Variants in MAST3 observed in about 807,000 individuals in gnomAD.
The protein encoded by MAST3 is microtubule-associated serine/threonine-protein kinase 3.
A neutral mutation model predicts 127.0 loss-of-function variants in MAST3; 43 were observed. That is an observed-to-expected ratio of 0.34 (90% CI 0.27 to 0.44). MAST3 has a LOEUF of 0.44. Ranked by LOEUF, MAST3 falls within the 20% of genes least tolerant of loss-of-function variation. The pLI, the probability that MAST3 is intolerant of heterozygous loss-of-function variation, is 1.00. For missense variants in MAST3, 1,390 were observed against 1,919.1 expected (o/e 0.72, Z 5.15); for synonymous variants, 785 against 809.2 (o/e 0.97, Z 0.51).
intron 1 of MAST3, among the ~76,000 whole-genome samples, chr19:18,106,047 C>T (rs1193232959): frequency 6.6e-6 from 1 of 152,120 alleles, no homozygotes; most frequent in Non-Finnish European, 1.5e-5. Context: ...TACTGACATA[C>T]TTCTTCATAA....
chr19:18,132,055 G>A lies in MAST3; in HGVS notation c.1571+8G>A, dbSNP rs1416449418. ...TGACCTCAAACCAGACAAGTGAGCT[G>A]AGCTAGCATGAGCGGGGCCTCGCGG... On this transcript the variant is annotated splice_region_variant and intron_variant, in intron 15 of 27. Transcript: ENST00000687212. 1.2e-6 allele frequency: 2 copies of A among 1,613,926 alleles called. No individual in the cohort carries two copies. The highest frequency in any genetic ancestry group is 1.7e-6 in the Non-Finnish European group (2 of 1,179,876).
intron 20 of MAST3, 31 bp from the exon 21 acceptor site, chr19:18,141,851 C>G: frequency 7.3e-7 from 1 of 1,375,856 alleles, no homozygotes; most frequent in Non-Finnish European, 9.5e-7. Context: ...CCACCGCACC[C>G]GGCTTACCAT....
At chr19:18,128,483 C>G (rs977927278) in intron 12 of MAST3, 25 bp downstream of exon 12, 1 of 1,550,062 alleles carries the variant, frequency 6.5e-7, no homozygotes, top group Admixed American at 2.0e-5. Flanking sequence ...CTGGGGGACC[C>G]CCGCTCATCT....
chr19:18,100,156 GCT>G lies in MAST3; in HGVS notation c.39+2328_39+2329del, dbSNP rs556042783. 5.3e-3 allele frequency among the ~76,000 whole-genome samples: 604 copies of G among 114,292 alleles called. 1 individual carries two copies. Among genetic ancestry groups the G allele is most frequent in the Non-Finnish European group, 7.7e-3 (386 of 50,446 alleles). The allele number at this position is 114,292 out of a possible 152,430, so 75.0% of individuals were successfully genotyped here. On this transcript the variant is annotated intron_variant, in intron 1 of 27. Transcript: ENST00000687212. ...TTTTTTTTTTTTGAGAAAGAATCAT[GCT>G]CTGTTACCCAGGCTGGAGTCCAGTG...
At chr19:18,138,118 G>A (rs769941895) in intron 19 of MAST3, among the ~76,000 whole-genome samples, 15 of 151,524 alleles carry the variant, frequency 9.9e-5, no homozygotes, top group East Asian at 2.0e-4. Flanking sequence ...GCTGAGGCAC[G>A]AGAATTGCTT....
At chr19:18,141,451 C>T (rs2042476794) in intron 20 of MAST3, among the ~76,000 whole-genome samples, 1 of 145,506 alleles carries the variant, frequency 6.9e-6, no homozygotes, top group African/African-American at 2.6e-5. Context: ...CGGCTCACTG[C>T]AACCTCCGCC....
At chr19:18,104,622 T>C (rs2037923914) in intron 1 of MAST3, among the ~76,000 whole-genome samples, 1 of 151,966 alleles carries the variant, frequency 6.6e-6, no homozygotes, top group African/African-American at 2.4e-5. Context: ...AAAGTAAAAA[T>C]AGTCGTGTGT....
At chr19:18,117,981 G>T (rs1192051658) in intron 3 of MAST3, 3 of 352,298 alleles carry the variant, frequency 8.5e-6, no homozygotes, top group Non-Finnish European at 7.9e-6. Context: ...CCCCGCCCCC[G>T]CACTCGCCTG....
Position 18,149,936 on chromosome 19 carries a change from C to T in MAST3, c.*210C>T. On this transcript the variant is annotated 3_prime_UTR_variant, in exon 28 of 28. Transcript: ENST00000687212. The surrounding 1 kb of genome is among the most constrained non-coding windows in gnomAD (Gnocchi z 5.9). ...GGGCAAGAATGGGGGACAAGGGTGG[C>T]TTTGTAAATAGCAGCAAATCCCTGC... 13 of 541,520 alleles carry T rather than the reference C, an allele frequency of 2.4e-5. No homozygotes were observed. Among genetic ancestry groups the T allele is most frequent in the South Asian group, 1.4e-4 (5 of 35,900 alleles). The allele number at this position is 541,520 out of a possible 1,614,324, so 33.5% of individuals were successfully genotyped here. A position where few individuals can be genotyped will look rare whatever the true frequency, so the allele number is the denominator to read the frequency against.
Position 18,110,286 on chromosome 19 carries a change from T to A in MAST3, c.72-366T>A. 3.0e-6 allele frequency: 3 copies of A among 985,594 alleles called. No individual in the cohort carries two copies. The highest frequency in any genetic ancestry group is 3.6e-6 in the Non-Finnish European group (3 of 830,058). The allele number at this position is 985,594 out of a possible 1,614,324, so 61.1% of individuals were successfully genotyped here. A position where few individuals can be genotyped will look rare whatever the true frequency, so the allele number is the denominator to read the frequency against. On this transcript the variant is annotated intron_variant, in intron 2 of 27. Coordinates refer to ENST00000687212, the MANE Select transcript of MAST3 (RefSeq NM_001393504.1). This position sits in a 1 kb window ranked among gnomAD's most constrained non-coding sequence, Gnocchi z 4.3. Reference sequence around the variant, plus strand: ...CCGGGGGCCAACAAGGGGGCGTCGGTACCCCGCCGCACAGAGGCGGCCTCT... The same window carrying A: ...CCGGGGGCCAACAAGGGGGCGTCGGAACCCCGCCGCACAGAGGCGGCCTCT...
rs887788583 is a variant in MAST3, at chr19:18,123,796, T to C, written c.633+141T>C. The C allele has an allele frequency of 1.4e-5, 15 of 1,066,646 alleles. No homozygotes were observed. In the African/African-American group the frequency reaches 1.9e-4, roughly 13 times the overall value. The allele number at this position is 1,066,646 out of a possible 1,614,324, so 66.1% of individuals were successfully genotyped here. ...TTCCTTCCCCTTCCGTTGAAAGATGTCGTTCCTCCTGCACCAGCCCTCCCA... is the reference window on the plus strand; with the variant it reads ...TTCCTTCCCCTTCCGTTGAAAGATGCCGTTCCTCCTGCACCAGCCCTCCCA... On this transcript the variant is annotated intron_variant, in intron 8 of 27. Transcript: ENST00000687212.
intron 3 of MAST3, among the ~76,000 whole-genome samples, chr19:18,111,869 G>T (rs1165896484): frequency 6.6e-6 from 1 of 152,188 alleles, no homozygotes; most frequent in Non-Finnish European, 1.5e-5. Context: ...CCACATTTGG[G>T]TGCTGGGCAA....
intron 15 of MAST3, among the ~76,000 whole-genome samples, chr19:18,133,549 A>T (rs1446602554): frequency 8.7e-5 from 8 of 91,844 alleles, no homozygotes; most frequent in East Asian, 3.1e-4. Flanking sequence ...CGCCCAGCTA[A>T]TTTTTTTTTT....
At chr19:18,142,136 AC>A in intron 21 of MAST3, 121 bp downstream of exon 21, 1 of 1,118,966 alleles carries the variant, frequency 8.9e-7, no homozygotes, top group East Asian at 3.2e-5. Flanking sequence ...AAACATATTG[AC>A]CAGCCTATCA....
Position 18,137,517 on chromosome 19 carries a change from C to T in MAST3, c.2095+156C>T, listed in dbSNP as rs78547482. 0.01 allele frequency among the ~76,000 whole-genome samples: 1,552 copies of T among 152,264 alleles called. 55 individuals carry two copies. Among genetic ancestry groups the T allele is most frequent in the Admixed American group, 0.06 (914 of 15,282 alleles). On this transcript the variant is annotated intron_variant, in intron 19 of 27. Transcript: ENST00000687212. Reference sequence around the variant, plus strand: ...TCCTGAGCCTTCCAAGAATCTAGGGCGTGTGTCGGCCGCCCCCTGGCTGGA... The same window carrying T: ...TCCTGAGCCTTCCAAGAATCTAGGGTGTGTGTCGGCCGCCCCCTGGCTGGA...
In MAST3 at chr19:18,128,600, G is replaced by A. The variant is rs1054112706; in HGVS notation, c.1137+142G>A. On this transcript the variant is annotated intron_variant, in intron 12 of 27. Coordinates refer to ENST00000687212, the MANE Select transcript of MAST3 (RefSeq NM_001393504.1). ...GACTTTGGAGGCAAGGTGACGGCAC[G>A]TGGGACTGCCCTGCCTTGGAAGTCG... 109 of 907,618 alleles carry A rather than the reference G, an allele frequency of 1.2e-4. 1 individual carries two copies. Among genetic ancestry groups the A allele is most frequent in the South Asian group, 7.8e-4 (49 of 62,488 alleles). The allele number at this position is 907,618 out of a possible 1,614,324, so 56.2% of individuals were successfully genotyped here. A position where few individuals can be genotyped will look rare whatever the true frequency, so the allele number is the denominator to read the frequency against.
chr19:18,118,036 C>A (rs1437743311), intron 3 of MAST3: 2 of 879,640 alleles, frequency 2.3e-6, no homozygotes, highest in Non-Finnish European at 2.7e-6. Context: ...TCCTTCTCGC[C>A]GCCCCCCCAT....
At chr19:18,129,937 AGGAAAG>A (rs1271327901) in intron 13 of MAST3, among the ~76,000 whole-genome samples, 1 of 51,888 alleles carries the variant, frequency 1.9e-5, no homozygotes, top group African/African-American at 5.2e-5. Context: ...AAAAAAAAAA[AGGAAAG>A]AAAGAAAGAA....
At position 18,110,425 on chromosome 19, in the gene MAST3, C is replaced by T; in HGVS notation, c.72-227C>T. On this transcript the variant is annotated intron_variant, in intron 2 of 27. Transcript: ENST00000687212. The surrounding 1 kb of genome is among the most constrained non-coding windows in gnomAD (Gnocchi z 4.3). ...GCAGGGAGGACAGGATGACAACTAC[C>T]CTCCCCCCACGTCTCTGTTCGTGTC... 1.0e-6 allele frequency: 1 copy of T among 983,702 alleles called. No homozygotes were observed. Among genetic ancestry groups the T allele is most frequent in the Non-Finnish European group, 1.2e-6 (1 of 828,206 alleles). 60.9% of individuals were successfully genotyped at this position (983,702 alleles called of 1,614,324 possible). A position where few individuals can be genotyped will look rare whatever the true frequency, so the allele number is the denominator to read the frequency against.
Sources: gnomAD v4.1 joint callset for allele counts (sites outside exome capture counted in the v4.1 genomes callset) on GRCh38, gnomAD v4.1.1 for gene constraint, Gnocchi (gnomAD v3.1) non-coding constraint, MANE v1.5 for transcripts, NCBI Gene and HGNC (gene_info 2026-07-23, HGNC 2026-07-21) for gene names.